MEGF11: variants seen among roughly 807,000 people sequenced by gnomAD.
The protein encoded by MEGF11 is multiple EGF like domains 11.
In MEGF11, 126 loss-of-function variants were observed where a neutral mutation model predicts 146.6. The observed-to-expected ratio is 0.86, with a 90% CI of 0.74 to 1.00. MEGF11 has a LOEUF of 1.00. MEGF11 is among the 50% of genes least tolerant of loss of function. The pLI, the probability that MEGF11 is intolerant of heterozygous loss-of-function variation, is 0.00. For missense variants in MEGF11, 1,509 were observed against 1,521.2 expected (o/e 0.99, Z 0.13); for synonymous variants, 532 against 583.4 (o/e 0.91, Z 1.27).
intron 1 of MEGF11, among the ~76,000 whole-genome samples, chr15:66,166,400 G>C (rs967243668): frequency 2.0e-5 from 3 of 152,188 alleles, no homozygotes; most frequent in African/African-American, 7.2e-5. Context: ...CACCCCAGGA[G>C]CACCCCCACT....
chr15:66,111,339 C>T (rs1279365608), intron 4 of MEGF11, among the ~76,000 whole-genome samples: 3 of 152,244 alleles, frequency 2.0e-5, no homozygotes, highest in Non-Finnish European at 4.4e-5. Flanking sequence ...CTCTGTAAAA[C>T]AGAGTCAGTT....
rs1423871518 is a variant in MEGF11 at position 66,140,422 on chromosome 15, G to A, written c.-8-12011C>T. On this transcript the variant is annotated intron_variant, in intron 1 of 25. Coordinates refer to ENST00000395614, the MANE Select transcript of MEGF11 (RefSeq NM_001385028.1). The stretch of plus-strand genomic sequence containing the variant: ...AAATGGAGGCAGGGGCAGGTTTCCC[G>A]CCTGACTCCAGCTTCTCTCAGTTGC... Among the ~76,000 whole-genome samples, 6 of 91,928 alleles carry A rather than the reference G, an allele frequency of 6.5e-5. No individual in the cohort carries two copies. In the South Asian group the frequency reaches 1.3e-3, roughly 21 times the overall value. The allele number at this position is 91,928 out of a possible 152,430, so 60.3% of individuals were successfully genotyped here.
In MEGF11 at chr15:66,005,310, G is replaced by A. The variant is rs1596979702; in HGVS notation, c.395-22822C>T. ...AGAATTGAGTTCAGGTTCAGTCACT[G>A]ATAGCCTTTGTGACCCAGAGCAAAT... On this transcript the variant is annotated intron_variant, in intron 5 of 25. Coordinates refer to ENST00000395614, the MANE Select transcript of MEGF11 (RefSeq NM_001385028.1). Among the ~76,000 whole-genome samples, 9 of 152,336 alleles carry A rather than the reference G, an allele frequency of 5.9e-5. No homozygotes were observed. The South Asian group carries it at 1.9e-3, about 32-fold the overall frequency.
intron 1 of MEGF11, among the ~76,000 whole-genome samples, chr15:66,143,222 C>T (rs1322257591): frequency 6.6e-6 from 1 of 152,182 alleles, no homozygotes; most frequent in African/African-American, 2.4e-5. Context: ...AAGAGACTTG[C>T]CGAAGGTCAC....
chr15:66,033,426 C>T (rs1339583589), intron 5 of MEGF11, among the ~76,000 whole-genome samples: 1 of 152,254 alleles, frequency 6.6e-6, no homozygotes, highest in Non-Finnish European at 1.5e-5. Context: ...GCATAGTGCT[C>T]CTTGGCTGAC....
At chr15:66,078,715 G>A (rs976502256) in intron 5 of MEGF11, among the ~76,000 whole-genome samples, 41 of 152,338 alleles carry the variant, frequency 2.7e-4, no homozygotes, top group Non-Finnish European at 5.3e-4. Flanking sequence ...TGGGGCTGGG[G>A]AGGGGTATCC....
chr15:66,047,392 CAT>C lies in MEGF11; in HGVS notation c.394+47008_394+47009del, dbSNP rs529482822. ...TACCACTTCCTAGCTAGGCGAGTTA[CAT>C]GTCTTCTCTGAGCCATGGTTTCCTC... On this transcript the variant is annotated intron_variant, in intron 5 of 25. Coordinates refer to ENST00000395614, the MANE Select transcript of MEGF11 (RefSeq NM_001385028.1). 2.2e-4 allele frequency among the ~76,000 whole-genome samples: 34 copies of C among 152,296 alleles called. No homozygotes were observed. In the East Asian group the frequency reaches 6.0e-3, roughly 27 times the overall value.
chr15:66,042,416 G>T (rs780362042), intron 5 of MEGF11, among the ~76,000 whole-genome samples: 111 of 152,038 alleles, frequency 7.3e-4, no homozygotes, highest in Non-Finnish European at 1.3e-3. Flanking sequence ...GGCCAAGAAT[G>T]CACAGATTTC....
chr15:65,921,222 A>G lies in MEGF11; in HGVS notation c.1957+1116T>C, dbSNP rs191320234. On this transcript the variant is annotated intron_variant, in intron 15 of 25. Transcript: ENST00000395614. ...TCTCAGTCAACAGAAGTATTTAAGCAGAGTCCAGATGAGATTTCTTGCATA... is the reference window on the plus strand; with the variant it reads ...TCTCAGTCAACAGAAGTATTTAAGCGGAGTCCAGATGAGATTTCTTGCATA... Among the ~76,000 whole-genome samples, 280 of 152,370 alleles carry G rather than the reference A, an allele frequency of 1.8e-3. 1 individual carries two copies. Among genetic ancestry groups the G allele is most frequent in the African/African-American group, 6.3e-3 (263 of 41,586 alleles).
At chr15:66,015,559 G>A (rs1438203468) in intron 5 of MEGF11, among the ~76,000 whole-genome samples, 1 of 152,130 alleles carries the variant, frequency 6.6e-6, no homozygotes, top group Non-Finnish European at 1.5e-5. Context: ...ATAGTATCAT[G>A]GGGGTAGGTG....
intron 1 of MEGF11, among the ~76,000 whole-genome samples, chr15:66,143,475 C>T (rs2089248945): frequency 6.6e-6 from 1 of 152,216 alleles, no homozygotes; most frequent in Non-Finnish European, 1.5e-5. Context: ...TGGGGTGCTT[C>T]TCGGGTGCAG....
intron 16 of MEGF11, 67 bp downstream of exon 16, chr15:65,917,899 G>A (rs1244760023): frequency 1.9e-6 from 3 of 1,601,752 alleles, no homozygotes; most frequent in Non-Finnish European, 2.6e-6. Context: ...GAGAGGTTTT[G>A]GGCAACAAAG....
At chr15:65,920,742 A>C (rs1441202351) in intron 15 of MEGF11, among the ~76,000 whole-genome samples, 4 of 152,270 alleles carry the variant, frequency 2.6e-5, no homozygotes, top group Admixed American at 6.5e-5. Flanking sequence ...AACTTGCTGG[A>C]AAGCCAGTCA....
At chr15:65,919,811 G>T (rs888574232) in intron 15 of MEGF11, among the ~76,000 whole-genome samples, 1 of 152,106 alleles carries the variant, frequency 6.6e-6, no homozygotes, top group Non-Finnish European at 1.5e-5. Flanking sequence ...GTAGAAACAG[G>T]GTTTCACCAT....
intron 1 of MEGF11, among the ~76,000 whole-genome samples, chr15:66,190,521 C>T (rs1467382483): frequency 6.6e-6 from 1 of 152,162 alleles, no homozygotes. Flanking sequence ...TCCTCAGACA[C>T]ACTTGAGGCT....
chr15:65,945,276 C>T (rs2080149970), intron 10 of MEGF11, among the ~76,000 whole-genome samples: 1 of 152,208 alleles, frequency 6.6e-6, no homozygotes, highest in South Asian at 2.1e-4. Flanking sequence ...GAGTGCCTCA[C>T]CACACAGAAC....
chr15:65,903,617 C>T (rs1284895316), intron 24 of MEGF11, among the ~76,000 whole-genome samples: 1 of 152,262 alleles, frequency 6.6e-6, no homozygotes, highest in African/African-American at 2.4e-5. Flanking sequence ...CTACAACCCA[C>T]ATTCCTTAAC....
chr15:65,966,538 G>A (rs1479491557), intron 8 of MEGF11, among the ~76,000 whole-genome samples: 4 of 152,090 alleles, frequency 2.6e-5, no homozygotes, highest in East Asian at 1.9e-4. Flanking sequence ...CCCTGACTGC[G>A]GATTTTCCCT....
At chr15:66,076,102 T>C (rs2085564744) in intron 5 of MEGF11, among the ~76,000 whole-genome samples, 1 of 152,044 alleles carries the variant, frequency 6.6e-6, no homozygotes. Flanking sequence ...GACAGATGGA[T>C]GGAAGAATAA....
Sources: allele counts gnomAD v4.1 joint callset (sites outside exome capture counted in the v4.1 genomes callset), GRCh38; gene constraint gnomAD v4.1.1; transcripts MANE v1.5; gene names NCBI Gene and HGNC (gene_info 2026-07-23, HGNC 2026-07-21).